The following GAP43 variants were observed in gnomAD, a reference collection of about 807,000 sequenced individuals.
GAP43 encodes the protein growth associated protein 43.
Under a neutral mutation model 18.6 loss-of-function variants are expected in GAP43, and 6 were observed. The ratio of observed to expected loss-of-function variants is 0.32; its 90% CI spans 0.18 to 0.64. The LOEUF is 0.64. GAP43 is among the 30% of genes least tolerant of loss of function. The pLI, the probability that GAP43 is intolerant of heterozygous loss-of-function variation, is 0.78. For missense variants in GAP43, 292 were observed against 295.5 expected, an observed-to-expected ratio of 0.99 and a Z score of 0.09; for synonymous variants, 115 against 111.4, an observed-to-expected ratio of 1.03 and a Z score of -0.20.
chr3:115,692,264 C>A (rs1241935025), intron 2 of GAP43, among the ~76,000 whole-genome samples: 2 of 152,166 alleles, frequency 1.3e-5, no homozygotes, highest in East Asian at 1.9e-4. Flanking sequence ...CATGGTCCCA[C>A]AATGAGTTAG....
chr3:115,649,892 C>T (rs1250798251), intron 1 of GAP43, among the ~76,000 whole-genome samples: 4 of 150,980 alleles, frequency 2.6e-5, no homozygotes, highest in Non-Finnish European at 4.4e-5. Flanking sequence ...CTCTTTTTTC[C>T]CTCAGTGAAG....
chr3:115,628,248 C>G lies in GAP43; in HGVS notation c.30+4529C>G, dbSNP rs761294306. Among the ~76,000 whole-genome samples the G allele has an allele frequency of 1.2e-4, 18 of 151,990 alleles. 1 individual carries two copies. Among genetic ancestry groups the G allele is most frequent in the Admixed American group, 9.2e-4 (14 of 15,246 alleles). ...CTTGCTCCTCCCCCCGTGTTTTCCC[C>G]AGAGCCCCAGTCCCTCATGCCCTGC... On this transcript the variant is annotated intron_variant, in intron 1 of 2. Coordinates refer to ENST00000305124, the MANE Select transcript of GAP43 (RefSeq NM_002045.4).
chr3:115,625,021 C>A (rs1708168925), intron 1 of GAP43, among the ~76,000 whole-genome samples: 1 of 151,480 alleles, frequency 6.6e-6, no homozygotes, highest in East Asian at 1.9e-4. Flanking sequence ...GGAAATTGGG[C>A]AATTTGTAAT....
At chr3:115,678,184 A>T (rs1708917748) in intron 2 of GAP43, among the ~76,000 whole-genome samples, 1 of 152,186 alleles carries the variant, frequency 6.6e-6, no homozygotes, top group African/African-American at 2.4e-5. Flanking sequence ...TTTAGATTTA[A>T]GGTTTGAGCC....
At chr3:115,641,529 C>CAA (rs1708396451) in intron 1 of GAP43, among the ~76,000 whole-genome samples, 1 of 140,166 alleles carries the variant, frequency 7.1e-6, no homozygotes, top group Non-Finnish European at 1.5e-5. Context: ...CACACACACA[C>CAA]ACACACACAC....
In GAP43 at chr3:115,628,337, C is replaced by T. The variant is rs947436327; in HGVS notation, c.30+4618C>T. On this transcript the variant is annotated intron_variant, in intron 1 of 2. Transcript: ENST00000305124. ...CCTTTCCTTATAGTTTATGAATATG[C>T]TTTTGCCTCATCTATCTTAAAAGAT... is the stretch of plus-strand genomic sequence containing the variant. Among the ~76,000 whole-genome samples the T allele has an allele frequency of 2.0e-5, 3 of 152,076 alleles. No homozygotes were observed. In the East Asian group the frequency reaches 5.8e-4, roughly 29 times the overall value.
chr3:115,632,272 G>A (rs1486666651), intron 1 of GAP43, among the ~76,000 whole-genome samples: 2 of 152,028 alleles, frequency 1.3e-5, no homozygotes, highest in African/African-American at 4.8e-5. Context: ...GAGAGAAAAT[G>A]CAGGGCTGGT....
chr3:115,661,637 C>G (rs1211213503), intron 1 of GAP43, among the ~76,000 whole-genome samples: 1 of 152,012 alleles, frequency 6.6e-6, no homozygotes, highest in Non-Finnish European at 1.5e-5. Context: ...TACAGGCACC[C>G]GCCACCAAGC....
intron 2 of GAP43, among the ~76,000 whole-genome samples, chr3:115,708,234 G>A (rs541029041): frequency 1.8e-4 from 28 of 152,262 alleles, no homozygotes; most frequent in Admixed American, 1.3e-3. Flanking sequence ...ATAATGCAAG[G>A]CATATAACTT....
At chr3:115,687,224 A>G (rs559840940) in intron 2 of GAP43, among the ~76,000 whole-genome samples, 5 of 151,926 alleles carry the variant, frequency 3.3e-5, no homozygotes, top group East Asian at 3.9e-4. Flanking sequence ...CTTATTGTCT[A>G]CATGTGGACA....
intron 1 of GAP43, among the ~76,000 whole-genome samples, chr3:115,661,735 G>C (rs749028372): frequency 6.6e-6 from 1 of 150,938 alleles, no homozygotes; most frequent in Non-Finnish European, 1.5e-5. Flanking sequence ...TGATCCACCC[G>C]CCTCGGCCTC....
intron 2 of GAP43, among the ~76,000 whole-genome samples, chr3:115,696,378 C>G (rs1709189869): frequency 6.6e-6 from 1 of 151,898 alleles, no homozygotes; most frequent in Non-Finnish European, 1.5e-5. Flanking sequence ...TTGGCTCCAC[C>G]TTCAACATAT....
intron 2 of GAP43, among the ~76,000 whole-genome samples, chr3:115,680,159 G>T (rs1708943305): frequency 6.6e-6 from 1 of 152,036 alleles, no homozygotes; most frequent in Admixed American, 6.6e-5. Context: ...TCACAAAGAT[G>T]AATAAGATAT....
chr3:115,651,687 G>T (rs112525536), intron 1 of GAP43, among the ~76,000 whole-genome samples: 5 of 151,748 alleles, frequency 3.3e-5, no homozygotes, highest in African/African-American at 1.2e-4. Context: ...TTTTTATCTG[G>T]CCCGTGCTTT....
intron 2 of GAP43, among the ~76,000 whole-genome samples, chr3:115,708,057 A>G (rs1577001878): frequency 6.6e-6 from 1 of 152,256 alleles, no homozygotes; most frequent in Middle Eastern, 3.4e-3. Context: ...AGTATCTAGA[A>G]ACATACTTTC....
chr3:115,645,026 G>T (rs765466792), intron 1 of GAP43, among the ~76,000 whole-genome samples: 1 of 152,040 alleles, frequency 6.6e-6, no homozygotes, highest in East Asian at 1.9e-4. Flanking sequence ...TAAAATGTAC[G>T]TATTGTTGGC....
At chr3:115,638,859 TC>T (rs976979712) in intron 1 of GAP43, among the ~76,000 whole-genome samples, 1 of 152,074 alleles carries the variant, frequency 6.6e-6, no homozygotes, top group African/African-American at 2.4e-5. Context: ...CAATTATTCT[TC>T]GTTTTGTGCC....
At chr3:115,716,733 T>TAC (rs1381721004) in intron 2 of GAP43, among the ~76,000 whole-genome samples, 19 of 95,922 alleles carry the variant, frequency 2.0e-4, no homozygotes, top group Non-Finnish European at 3.1e-4. Context: ...TATATATATA[T>TAC]ATATATATAT....
intron 1 of GAP43, among the ~76,000 whole-genome samples, chr3:115,653,315 G>T (rs1708543950): frequency 6.6e-6 from 1 of 152,028 alleles, no homozygotes; most frequent in African/African-American, 2.4e-5. Context: ...GGTGGCGCAT[G>T]CCTGTAATCC....
Sources: allele counts gnomAD v4.1 joint callset (sites outside exome capture counted in the v4.1 genomes callset), GRCh38; gene constraint gnomAD v4.1.1; transcripts MANE v1.5; gene names NCBI Gene and HGNC (gene_info 2026-07-23, HGNC 2026-07-21).